Variants in PDE3A observed in about 807,000 individuals in gnomAD.
PDE3A encodes the protein cGMP-inhibited 3',5'-cyclic phosphodiesterase 3A.
In PDE3A, 43 loss-of-function variants were observed where a neutral mutation model predicts 98.3. That is an observed-to-expected ratio of 0.44 (90% CI 0.34 to 0.56). The LOEUF (loss-of-function observed/expected upper bound fraction) is 0.56. Among genes scored for constraint, PDE3A ranks in the 20% least tolerant of loss-of-function variants. PDE3A has a pLI of 0.01. For synonymous variants in PDE3A, 663 were observed against 567.9 expected (o/e 1.17, Z -2.38); for missense variants, 1,427 against 1,440.7 (o/e 0.99, Z 0.15).
chr12:20,572,170 A>T (rs1439399808), intron 2 of PDE3A: 4 of 1,237,258 alleles, frequency 3.2e-6, no homozygotes, highest in Non-Finnish European at 4.2e-6. Context: ...TACTGGGAAA[A>T]GGTATGAATA....
chr12:20,647,470 A>G (rs1944803771), intron 12 of PDE3A, among the ~76,000 whole-genome samples: 1 of 152,144 alleles, frequency 6.6e-6, no homozygotes, highest in Non-Finnish European at 1.5e-5. Flanking sequence ...AACAGTGAAT[A>G]AATTTAAAGT....
chr12:20,635,483 C>T (rs1175179351), intron 8 of PDE3A, among the ~76,000 whole-genome samples: 1 of 151,512 alleles, frequency 6.6e-6, no homozygotes, highest in Non-Finnish European at 1.5e-5. Context: ...GAGGCTGAGG[C>T]AGTAGAATCG....
intron 1 of PDE3A, among the ~76,000 whole-genome samples, chr12:20,428,625 A>T (rs1047503206): frequency 6.6e-5 from 10 of 152,106 alleles, no homozygotes; most frequent in Middle Eastern, 3.2e-3. Flanking sequence ...TAAAAAGAGG[A>T]TTTAGTTAAG....
At chr12:20,614,830 T>C (rs1315462965) in intron 3 of PDE3A, among the ~76,000 whole-genome samples, 1 of 152,134 alleles carries the variant, frequency 6.6e-6, no homozygotes, top group Non-Finnish European at 1.5e-5. Context: ...CTTCTCAAAA[T>C]TTTTTACCTT....
intron 1 of PDE3A, among the ~76,000 whole-genome samples, chr12:20,540,152 A>C (rs2121215830): frequency 6.6e-6 from 1 of 152,268 alleles, no homozygotes; most frequent in South Asian, 2.1e-4. Flanking sequence ...ATTGTCTATT[A>C]GTGACTCTTA....
chr12:20,483,243 G>T (rs1204874616), intron 1 of PDE3A, among the ~76,000 whole-genome samples: 1 of 152,128 alleles, frequency 6.6e-6, no homozygotes, highest in African/African-American at 2.4e-5. Flanking sequence ...ACAAAAATTA[G>T]CTGGGCGTGG....
chr12:20,608,693 T>C (rs539465027), intron 2 of PDE3A, among the ~76,000 whole-genome samples: 1 of 152,150 alleles, frequency 6.6e-6, no homozygotes, highest in South Asian at 2.1e-4. Context: ...AAATGTATTA[T>C]AAAAAGACAC....
intron 1 of PDE3A, chr12:20,553,148 T>C (rs1430887371): frequency 1.2e-6 from 1 of 841,500 alleles, no homozygotes; most frequent in Non-Finnish European, 1.8e-6. Flanking sequence ...TGTCTTCCTT[T>C]TTTTTTTTTT....
intron 2 of PDE3A, among the ~76,000 whole-genome samples, chr12:20,593,300 TGGAGATGTAACTGGAAAAG>T (rs1313129615): frequency 1.3e-5 from 2 of 152,174 alleles, no homozygotes; most frequent in East Asian, 3.9e-4. Context: ...GTAGAGCACG[TGGAGATGTAACTGGAAAAG>T]GGCGGCGGGT....
At chr12:20,433,611 A>G (rs1944733123) in intron 1 of PDE3A, among the ~76,000 whole-genome samples, 1 of 152,184 alleles carries the variant, frequency 6.6e-6, no homozygotes, top group South Asian at 2.1e-4. Flanking sequence ...ACTCAAGTTA[A>G]CTTTTAATAA....
chr12:20,572,245 TA>T (rs1322767584), intron 2 of PDE3A: 1 of 522,876 alleles, frequency 1.9e-6, no homozygotes, highest in Non-Finnish European at 3.0e-6. Context: ...GAAAGCCTTT[TA>T]AAAATAAATT....
intron 1 of PDE3A, among the ~76,000 whole-genome samples, chr12:20,395,938 C>T (rs1335481811): frequency 1.3e-5 from 2 of 151,828 alleles, no homozygotes; most frequent in African/African-American, 2.4e-5. Context: ...CACTGTCACT[C>T]AGGCTGAAGT....
chr12:20,542,400 C>A (rs1459869304), intron 1 of PDE3A, among the ~76,000 whole-genome samples: 1 of 150,940 alleles, frequency 6.6e-6, no homozygotes, highest in Non-Finnish European at 1.5e-5. Flanking sequence ...GAGAATATTC[C>A]TTTGAGTTAG....
intron 6 of PDE3A, among the ~76,000 whole-genome samples, chr12:20,632,923 T>A (rs947610144): frequency 6.0e-5 from 9 of 150,148 alleles, no homozygotes; most frequent in African/African-American, 2.2e-4. Context: ...ATAACCCAAT[T>A]AAATAAAATA....
chr12:20,525,106 G>T (rs1442743174), intron 1 of PDE3A, among the ~76,000 whole-genome samples: 1 of 152,174 alleles, frequency 6.6e-6, no homozygotes, highest in Non-Finnish European at 1.5e-5. Flanking sequence ...ACTCCAGCCT[G>T]GGCAACAAGA....
intron 1 of PDE3A, among the ~76,000 whole-genome samples, chr12:20,409,691 G>A (rs1008726934): frequency 1.3e-5 from 2 of 152,114 alleles, no homozygotes; most frequent in African/African-American, 4.8e-5. Flanking sequence ...TGTTACAAAT[G>A]TTTAGTCACT....
chr12:20,483,754 G>T (rs1945673977), intron 1 of PDE3A, among the ~76,000 whole-genome samples: 2 of 152,046 alleles, frequency 1.3e-5, no homozygotes, highest in East Asian at 3.9e-4. Flanking sequence ...AGAAAAATTT[G>T]GAGGGAAAGA....
At chr12:20,500,021 A>G (rs1236051375) in intron 1 of PDE3A, among the ~76,000 whole-genome samples, 1 of 152,208 alleles carries the variant, frequency 6.6e-6, no homozygotes, top group Non-Finnish European at 1.5e-5. Flanking sequence ...GCCCTTAACC[A>G]GCATACTACA....
chr12:20,635,095 G>A (rs1480329856), intron 8 of PDE3A, 39 bp downstream of exon 8: 2 of 1,556,506 alleles, frequency 1.3e-6, no homozygotes, highest in Admixed American at 3.6e-5. Flanking sequence ...TTACTTGAGA[G>A]ATGAGCTTCT....
Sources: gnomAD v4.1 joint callset for allele counts (sites outside exome capture counted in the v4.1 genomes callset) on GRCh38, gnomAD v4.1.1 for gene constraint, MANE v1.5 for transcripts, NCBI Gene and HGNC (gene_info 2026-07-23, HGNC 2026-07-21) for gene names.